Variants in HSPA14 observed in about 807,000 individuals in gnomAD.
HSPA14 encodes the protein heat shock 70 kDa protein 14.
In HSPA14, 37 loss-of-function variants were observed where a neutral mutation model predicts 65.5. That is an observed-to-expected ratio of 0.56 (90% CI 0.43 to 0.74). The LOEUF (loss-of-function observed/expected upper bound fraction) is 0.74, where lower values mean the gene tolerates loss of function less well. HSPA14 is among the 30% of genes least tolerant of loss of function. HSPA14 has a pLI of 0.00. For synonymous variants in HSPA14, 203 were observed against 214.2 expected (o/e 0.95, Z 0.46); for missense variants, 564 against 607.6 (o/e 0.93, Z 0.75).
intron 1 of HSPA14, 28 bp from the exon 2 acceptor site, chr10:14,839,877 A>ACTAT: frequency 6.4e-7 from 1 of 1,570,590 alleles, no homozygotes; most frequent in Non-Finnish European, 8.7e-7. Flanking sequence ...GTCTAATGAG[A>ACTAT]CTATGTATTT....
At chr10:14,847,914 T>C (rs1437454599) in intron 3 of HSPA14, among the ~76,000 whole-genome samples, 3 of 152,178 alleles carry the variant, frequency 2.0e-5, no homozygotes, top group East Asian at 1.9e-4. Context: ...AGTAGCGTGA[T>C]AGAGAAGACC....
chr10:14,867,302 T>G lies in HSPA14; in HGVS notation c.1206+7T>G. 1 of 1,588,928 alleles carries G rather than the reference T, an allele frequency of 6.3e-7. No homozygotes were observed. Among genetic ancestry groups the G allele is most frequent in the African/African-American group, 1.3e-5 (1 of 74,496 alleles). On this transcript the variant is annotated splice_region_variant and intron_variant, in intron 11 of 13. Coordinates refer to ENST00000378372, the MANE Select transcript of HSPA14 (RefSeq NM_016299.4). ...CAGAGATATTTTAGTTAAGGTATGTTTAGCTTTTGTATACTAGTTAAGGTA... is the reference window on the plus strand; with the variant it reads ...CAGAGATATTTTAGTTAAGGTATGTGTAGCTTTTGTATACTAGTTAAGGTA...
At chr10:14,867,981 A>C in intron 12 of HSPA14, 72 bp downstream of exon 12, 1 of 1,210,350 alleles carries the variant, frequency 8.3e-7, no homozygotes, top group Non-Finnish European at 1.2e-6. Flanking sequence ...TTAATATCTT[A>C]ATACAAAATG....
At chr10:14,854,375 TGAGA>T (rs1834130998) in intron 9 of HSPA14, 95 bp downstream of exon 9, 1 of 1,045,004 alleles carries the variant, frequency 9.6e-7, no homozygotes, top group South Asian at 1.7e-5. Flanking sequence ...TTTGTTTGTT[TGAGA>T]TTTATCAACC....
rs890396916 is a variant in HSPA14 at position 14,867,212 on chromosome 10, G to A, written c.1123G>A (p.Ala375Thr). 2 of 1,613,478 alleles carry A rather than the reference G, an allele frequency of 1.2e-6. No homozygotes were observed. The highest frequency in any genetic ancestry group is 1.7e-6 in the Non-Finnish European group (2 of 1,179,500). ...GATCCCTATTGGTGCAGCTATAGAA[G>A]CAGGAATTCTTATTGGGAAAGAAAA... is the stretch of plus-strand genomic sequence containing the variant. ...EVIPIGAAIEAGILIGKENLL... is the reference protein window; with the variant it reads ...EVIPIGAAIETGILIGKENLL... Residue 375 changes from alanine (A) to threonine (T), a missense_variant, in exon 11 of 14, where the codon GCA becomes ACA. By Grantham distance (58) the Ala-to-Thr change is moderately conservative. Transcript: ENST00000378372.
intron 10 of HSPA14, 74 bp downstream of exon 10, chr10:14,856,017 A>G (rs1334480224): frequency 1.3e-6 from 1 of 799,608 alleles, no homozygotes; most frequent in Non-Finnish European, 2.1e-6. Flanking sequence ...AGCTCTGGGT[A>G]CTGAAAGAAT....
At chr10:14,862,531 C>T (rs1181250241) in intron 10 of HSPA14, among the ~76,000 whole-genome samples, 3 of 151,648 alleles carry the variant, frequency 2.0e-5, no homozygotes, top group East Asian at 1.9e-4. Context: ...CCCGCCACCA[C>T]GCCTGGCTAA....
chr10:14,840,347 G>T (rs1588804706), intron 3 of HSPA14, among the ~76,000 whole-genome samples, 190 bp downstream of exon 3: 1 of 152,124 alleles, frequency 6.6e-6, no homozygotes, highest in Non-Finnish European at 1.5e-5. Context: ...TCTGATATGG[G>T]ATTCACTCAG....
At chr10:14,867,384 A>T in intron 11 of HSPA14, 89 bp downstream of exon 11, 1 of 870,438 alleles carries the variant, frequency 1.1e-6, no homozygotes, top group Non-Finnish European at 1.8e-6. Flanking sequence ...ATAAGTTTTT[A>T]TACATACCAT....
At chr10:14,871,492 G>C (rs1287709640) in intron 13 of HSPA14, 36 bp from the exon 14 acceptor site, 1 of 1,177,542 alleles carries the variant, frequency 8.5e-7, no homozygotes, top group East Asian at 2.4e-5. Flanking sequence ...TATAAAATGA[G>C]CTTGTGCAAT....
intron 1 of HSPA14, 179 bp downstream of exon 1, chr10:14,838,638 C>G (rs1291081505): frequency 3.4e-6 from 2 of 590,858 alleles, no homozygotes; most frequent in Admixed American, 3.6e-5. Flanking sequence ...CTGGCGATTC[C>G]TCCGGAAAGT....
At chr10:14,849,008 A>G (rs1296709880) in intron 5 of HSPA14, 113 bp downstream of exon 5, 5 of 606,816 alleles carry the variant, frequency 8.2e-6, no homozygotes, top group African/African-American at 5.6e-5. Flanking sequence ...GATTGCACAG[A>G]TAAGTAAGGA....
At chr10:14,850,971 A>C (rs761384571) in intron 6 of HSPA14, 1 of 310,248 alleles carries the variant, frequency 3.2e-6, no homozygotes, top group African/African-American at 2.2e-5. Flanking sequence ...TCTCTTATTC[A>C]GTACGTGTGC....
chr10:14,866,474 T>C (rs1424703841), intron 10 of HSPA14, among the ~76,000 whole-genome samples: 1 of 152,228 alleles, frequency 6.6e-6, no homozygotes, highest in African/African-American at 2.4e-5. Context: ...ATCATAAGTG[T>C]TCAATGAATG....
In HSPA14 at chr10:14,848,816, A is replaced by G. The variant is rs753850992; in HGVS notation, c.297A>G (p.Arg99=). The G allele has an allele frequency of 1.9e-6, 3 of 1,580,734 alleles. No individual in the cohort carries two copies. Among genetic ancestry groups the G allele is most frequent in the East Asian group, 2.2e-5 (1 of 44,494 alleles). ...TCATTGAAAAAAATGGGAAATTACG[A>G]TATGAAATAGATACTGGAGAAGAAA... ...CLVIEKNGKL[R]YEIDTGEETK... is the part of the protein sequence containing the mutation. The change falls in exon 5 of 14, where the codon CGA becomes CGG. Residue 99 remains arginine (R), a synonymous_variant. Coordinates refer to ENST00000378372, the MANE Select transcript of HSPA14 (RefSeq NM_016299.4).
Position 14,839,913 on chromosome 10 carries a change from G to T in HSPA14, c.66G>T (p.Arg22=), listed in dbSNP as rs750167538. Residue 22 remains arginine, a synonymous_variant, in exon 2 of 14, where the codon CGG becomes CGT. Transcript: ENST00000378372. The stretch of plus-strand genomic sequence containing the variant: ...CGTGTTTTTTTCTCTAGGATGGCCG[G>T]GCTGGTGTGGTTGCAAATGATGCCG... ...SACVAVYKDG[R]AGVVANDAGD... is the part of the protein sequence containing the mutation. 1 of 1,612,706 alleles carries T rather than the reference G, an allele frequency of 6.2e-7. No homozygotes were observed. Among genetic ancestry groups the T allele is most frequent in the Non-Finnish European group, 8.5e-7 (1 of 1,179,168 alleles).
chr10:14,860,857 G>T (rs1023754701), intron 10 of HSPA14, among the ~76,000 whole-genome samples: 13 of 152,144 alleles, frequency 8.5e-5, no homozygotes, highest in African/African-American at 2.4e-4. Flanking sequence ...GTGTACCCAT[G>T]GGGGAAGCAG....
In HSPA14 at chr10:14,842,844, C is replaced by T. The variant is rs1386970347; in HGVS notation, c.221+2687C>T. 6.6e-7 allele frequency: 1 copy of T among 1,525,478 alleles called. No individual in the cohort carries two copies. Among genetic ancestry groups the T allele is most frequent in the Non-Finnish European group, 8.8e-7 (1 of 1,140,874 alleles). 94.5% of individuals were successfully genotyped at this position (1,525,478 alleles called of 1,614,324 possible). On this transcript the variant is annotated intron_variant, in intron 3 of 13. Transcript: ENST00000378372. This position sits in a 1 kb window ranked among gnomAD's most constrained non-coding sequence, Gnocchi z 5.2. ...GACTCCTGGGATGAATCCTCGGGTG[C>T]AGGTAACTCCCAAGCATGTGAAGGA...
intron 7 of HSPA14, among the ~76,000 whole-genome samples, chr10:14,851,711 GT>G (rs1399998666): frequency 6.6e-6 from 1 of 152,190 alleles, no homozygotes; most frequent in African/African-American, 2.4e-5. Flanking sequence ...TTAGCATGAG[GT>G]TTTGAGACTT....
Sources: gnomAD v4.1 joint callset for allele counts (sites outside exome capture counted in the v4.1 genomes callset) on GRCh38, gnomAD v4.1.1 for gene constraint, Gnocchi (gnomAD v3.1) non-coding constraint, MANE v1.5 for transcripts, NCBI Gene and HGNC (gene_info 2026-07-23, HGNC 2026-07-21) for gene names.